SOD1: variants seen among roughly 807,000 people sequenced by gnomAD.
The protein encoded by SOD1 is superoxide dismutase [Cu-Zn].
SOD1 carries 8 observed loss-of-function variants against 15.9 expected under a neutral mutation model. The observed-to-expected ratio is 0.50, with a 90% confidence interval of 0.30 to 0.91. SOD1 has a LOEUF of 0.91. SOD1 is among the 40% of genes least tolerant of loss of function. SOD1 has a pLI of 0.07. For synonymous variants in SOD1, 86 were observed against 71.2 expected, an observed-to-expected ratio of 1.21 and a Z score of -1.04; for missense variants, 137 against 194.5, an observed-to-expected ratio of 0.70 and a Z score of 1.76.
rs2049601248 is a variant in SOD1 at position 31,667,196 on chromosome 21, A to G, written c.240-62A>G. The G allele has an allele frequency of 8.3e-6, 11 of 1,317,500 alleles. No individual in the cohort carries two copies. In the East Asian group the frequency reaches 1.2e-4, roughly 14 times the overall value. 81.6% of individuals were successfully genotyped at this position (1,317,500 alleles called of 1,614,324 possible). ...ACTCAGTCAAGTTTTAATTTAGCTCATGAACTACCTTGATGTTTAGTGGCA... is the reference window on the plus strand; with the variant it reads ...ACTCAGTCAAGTTTTAATTTAGCTCGTGAACTACCTTGATGTTTAGTGGCA... On this transcript the variant is annotated intron_variant, in intron 3 of 4. Coordinates refer to ENST00000270142, the MANE Select transcript of SOD1 (RefSeq NM_000454.5).
chr21:31,662,283 G>A (rs896035021), intron 1 of SOD1, among the ~76,000 whole-genome samples: 6 of 152,222 alleles, frequency 3.9e-5, no homozygotes, highest in African/African-American at 1.4e-4. Flanking sequence ...AAGAGTCACA[G>A]TATCTATTGT....
chr21:31,666,596 C>A, intron 3 of SOD1, 78 bp downstream of exon 3: 2 of 1,072,822 alleles, frequency 1.9e-6, no homozygotes, highest in Non-Finnish European at 2.9e-6. Context: ...TAAATATGTG[C>A]TAAGATAATT....
At chr21:31,666,417 A>G in intron 2 of SOD1, 32 bp from the exon 3 acceptor site, 1 of 1,534,906 alleles carries the variant, frequency 6.5e-7, no homozygotes. Flanking sequence ...TTAATTCATA[A>G]TTTAGCTTTT....
At position 31,667,376 on chromosome 21, in the gene SOD1, G is replaced by GT. The variant is rs747768384; in HGVS notation, c.357+2dup. The GT allele has an allele frequency of 1.0e-5, 16 of 1,601,170 alleles. No individual in the cohort carries two copies. Among genetic ancestry groups the GT allele is most frequent in the Admixed American group, 3.3e-5 (2 of 60,002 alleles). ...TTGCATCATTGGCCGCACACTGGTG[G>GT]TAAGTTTTCATAAAAGGATATGCAT... On this transcript the variant is annotated splice_donor_variant, in intron 4 of 4. Coordinates refer to ENST00000270142, the MANE Select transcript of SOD1 (RefSeq NM_000454.5). LOFTEE classifies it high-confidence loss of function.
intron 2 of SOD1, among the ~76,000 whole-genome samples, chr21:31,665,558 G>A (rs573817953): frequency 6.5e-4 from 99 of 152,256 alleles, no homozygotes; most frequent in African/African-American, 2.3e-3. Flanking sequence ...GGGTGAGAGC[G>A]TGGCTGAAGA....
At chr21:31,668,215 A>G (rs1390773479) in intron 4 of SOD1, among the ~76,000 whole-genome samples, 1 of 152,118 alleles carries the variant, frequency 6.6e-6, no homozygotes, top group Non-Finnish European at 1.5e-5. Flanking sequence ...GGTCTACAAC[A>G]TAGTTATTTG....
At chr21:31,667,071 A>G in intron 3 of SOD1, 187 bp from the exon 4 acceptor site, 2 of 635,482 alleles carry the variant, frequency 3.1e-6, no homozygotes, top group South Asian at 1.8e-5. Flanking sequence ...AATCAGGTGC[A>G]GCCCCATCTT....
In SOD1 at chr21:31,668,578, A is replaced by T; in HGVS notation, c.465A>T (p.Ter155TyrextTer6). ...GTGGTGTAATTGGGATCGCCCAATA[A>T]ACATTCCCTTGGATGTAGTCTGAGG... is the stretch of plus-strand genomic sequence containing the variant. ...LACGVIGIAQ[*>Y] Residue 155 changes from the stop codon to tyrosine, a stop_lost, in exon 5 of 5, where the codon TAA (stop) becomes TAT (tyrosine). Transcript: ENST00000270142. 1.2e-6 allele frequency: 2 copies of T among 1,609,678 alleles called. No homozygotes were observed. Among genetic ancestry groups the T allele is most frequent in the Non-Finnish European group, 1.7e-6 (2 of 1,175,940 alleles).
chr21:31,667,453 G>T (rs775561326), intron 4 of SOD1, 78 bp downstream of exon 4: 20 of 1,087,584 alleles, frequency 1.8e-5, no homozygotes, highest in Admixed American at 1.4e-4. Context: ...ATTGTTAGTC[G>T]CGGTTTCTAA....
At chr21:31,660,238 G>A (rs1488590341) in intron 1 of SOD1, 1 of 152,546 alleles carries the variant, frequency 6.6e-6, no homozygotes, top group African/African-American at 2.4e-5. Context: ...GTTCCTGAGG[G>A]TCCCGCGGAC....
chr21:31,664,768 G>A (rs575021201), intron 2 of SOD1, among the ~76,000 whole-genome samples: 2 of 151,982 alleles, frequency 1.3e-5, no homozygotes, highest in South Asian at 2.1e-4. Context: ...ACAGGTGCCC[G>A]CCACCCCGCC....
At chr21:31,667,927 T>A (rs888217632) in intron 4 of SOD1, among the ~76,000 whole-genome samples, 1 of 152,322 alleles carries the variant, frequency 6.6e-6, no homozygotes. Flanking sequence ...GTTAACCCTT[T>A]ATTTTTATGG....
Position 31,668,883 on chromosome 21 carries a change from G to GT in SOD1, c.*306dup. ...ATTCAAGCCTGTGAATAAAAACCCT[G>GT]TATGGCACTTATTATGAGGCTATTA... is the stretch of plus-strand genomic sequence containing the variant. On this transcript the variant is annotated 3_prime_UTR_variant, in exon 5 of 5. Coordinates refer to ENST00000270142, the MANE Select transcript of SOD1 (RefSeq NM_000454.5). The GT allele has an allele frequency of 5.8e-6, 2 of 347,572 alleles. No homozygotes were observed. Among genetic ancestry groups the GT allele is most frequent in the Non-Finnish European group, 1.1e-5 (2 of 184,374 alleles). 21.5% of individuals were successfully genotyped at this position (347,572 alleles called of 1,614,324 possible).
chr21:31,662,383 T>G (rs959769930), intron 1 of SOD1, among the ~76,000 whole-genome samples: 4 of 152,162 alleles, frequency 2.6e-5, no homozygotes, highest in African/African-American at 9.7e-5. Flanking sequence ...ATCTTAAGGG[T>G]TAATGCCCCT....
rs1262614810 is a variant in SOD1 at position 31,659,707 on chromosome 21, T to C, written c.-63T>C. The C allele has an allele frequency of 2.6e-6, 4 of 1,560,440 alleles. No individual in the cohort carries two copies. The highest frequency in any genetic ancestry group is 3.5e-6 in the Non-Finnish European group (4 of 1,132,182). On this transcript the variant is annotated 5_prime_UTR_variant, in exon 1 of 5. Transcript: ENST00000270142. Reference sequence around the variant, plus strand: ...GGTGCTGGTTTGCGTCGTAGTCTCCTGCAGCGTCTGGGGTTTCCGTTGCAG... The same window carrying C: ...GGTGCTGGTTTGCGTCGTAGTCTCCCGCAGCGTCTGGGGTTTCCGTTGCAG...
Position 31,666,527 on chromosome 21 carries a change from A to T in SOD1, c.239+9A>T. 6.3e-7 allele frequency: 1 copy of T among 1,593,024 alleles called. No individual in the cohort carries two copies. Among genetic ancestry groups the T allele is most frequent in the Non-Finnish European group, 8.6e-7 (1 of 1,161,360 alleles). On this transcript the variant is annotated intron_variant, in intron 3 of 4. Coordinates refer to ENST00000270142, the MANE Select transcript of SOD1 (RefSeq NM_000454.5). ...CCAAAGGATGAAGAGAGGTAACAAGATGCTTAACTCTTGTAATAATGGCGA... is the reference window on the plus strand; with the variant it reads ...CCAAAGGATGAAGAGAGGTAACAAGTTGCTTAACTCTTGTAATAATGGCGA...
rs775561326 is a variant in SOD1 at position 31,667,453 on chromosome 21, G to A, written c.357+78G>A. ...TATCTTTTCACTTTGATTGTTAGTC[G>A]CGGTTTCTAAAGATCCAGATAAACT... On this transcript the variant is annotated intron_variant, in intron 4 of 4. Transcript: ENST00000270142. The A allele has an allele frequency of 1.4e-5, 15 of 1,087,580 alleles. 1 individual carries two copies. The highest frequency in any genetic ancestry group is 8.7e-5 in the South Asian group (7 of 80,372). 67.4% of individuals were successfully genotyped at this position (1,087,580 alleles called of 1,614,324 possible). A position where few individuals can be genotyped will look rare whatever the true frequency, so the allele number is the denominator to read the frequency against.
At chr21:31,661,216 ATG>A (rs2049545926) in intron 1 of SOD1, among the ~76,000 whole-genome samples, 1 of 152,252 alleles carries the variant, frequency 6.6e-6, no homozygotes, top group Admixed American at 6.5e-5. Flanking sequence ...TCTGAAATAT[ATG>A]TGAGGGAGAT....
rs117304270 is a variant in SOD1, at chr21:31,668,341, G to C, written c.358-130G>C. 8.2e-3 allele frequency: 5,693 copies of C among 697,686 alleles called. 23 individuals carry two copies. The highest frequency in any genetic ancestry group is 0.023 in the Middle Eastern group (59 of 2,594). 43.2% of individuals were successfully genotyped at this position (697,686 alleles called of 1,614,324 possible). ...TCTACTTTTAAACTACTAAATATTA[G>C]TATATCTCTCTACTAGGATTAATGT... is the stretch of plus-strand genomic sequence containing the variant. On this transcript the variant is annotated intron_variant, in intron 4 of 4. Coordinates refer to ENST00000270142, the MANE Select transcript of SOD1 (RefSeq NM_000454.5).
Sources: gnomAD v4.1 joint callset for allele counts (sites outside exome capture counted in the v4.1 genomes callset) on GRCh38, gnomAD v4.1.1 for gene constraint, MANE v1.5 for transcripts, NCBI Gene and HGNC (gene_info 2026-07-23, HGNC 2026-07-21) for gene names.